Variants in PLCXD2 observed in about 807,000 individuals in gnomAD.
PLCXD2 encodes PI-PLC X domain-containing protein 2.
PLCXD2 carries 21 observed loss-of-function variants against 28.6 expected under a neutral mutation model. The observed-to-expected ratio is 0.73, with a 90% confidence interval of 0.52 to 1.06. PLCXD2 has a LOEUF of 1.06. Among genes scored for constraint, PLCXD2 ranks in the 50% least tolerant of loss-of-function variants. The pLI, the probability that PLCXD2 is intolerant of heterozygous loss-of-function variation, is 0.00. For synonymous variants in PLCXD2, 140 were observed against 150.1 expected (o/e 0.93, Z 0.49); for missense variants, 369 against 376.7 (o/e 0.98, Z 0.17).
At chr3:111,680,150 C>T (rs1940690454) in intron 1 of PLCXD2, among the ~76,000 whole-genome samples, 1 of 152,130 alleles carries the variant, frequency 6.6e-6, no homozygotes, top group African/African-American at 2.4e-5. Flanking sequence ...TATAGGTCTT[C>T]CTCCTGTGGC....
intron 1 of PLCXD2, 56 bp from the exon 2 acceptor site, chr3:111,707,870 T>C: frequency 6.8e-7 from 1 of 1,475,128 alleles, no homozygotes; most frequent in Non-Finnish European, 9.1e-7. Context: ...ATCAATTGGC[T>C]TATTTTTCCC....
intron 1 of PLCXD2, among the ~76,000 whole-genome samples, chr3:111,679,539 GTA>G (rs1270067378): frequency 6.6e-6 from 1 of 152,180 alleles, no homozygotes; most frequent in Non-Finnish European, 1.5e-5. Context: ...ATAATTGAAA[GTA>G]TGGAAAGTAT....
At chr3:111,721,185 C>T (rs2107876092) in intron 3 of PLCXD2, 1 of 184,850 alleles carries the variant, frequency 5.4e-6, no homozygotes, top group East Asian at 1.3e-4. Flanking sequence ...TCTCTAGGAC[C>T]CATTGGGGTA....
Position 111,708,120 on chromosome 3 carries a change from A to G in PLCXD2, c.358A>G (p.Lys120Glu). 6.2e-7 allele frequency: 1 copy of G among 1,614,206 alleles called. No individual in the cohort carries two copies. Among genetic ancestry groups the G allele is most frequent in the Non-Finnish European group, 8.5e-7 (1 of 1,180,012 alleles). ...CTACTTTGACCTGCGTGTGTCTTCC[A>G]AACCAGGGGATGCCGACCAGGAGAT... The change falls in exon 2 of 5, where the codon AAA becomes GAA. Residue 120 changes from lysine (K) to glutamate (E), a missense_variant. Lys to Glu is a moderately conservative substitution (Grantham distance 56). Transcript: ENST00000477665.
chr3:111,695,160 T>TAAA lies in PLCXD2; in HGVS notation c.164-12747_164-12745dup, dbSNP rs10662190. On this transcript the variant is annotated intron_variant, in intron 1 of 4. Transcript: ENST00000477665. ...AAATCTCATTTTTTTACCCATTTTC[T>TAAA]AAAAAAAAAAAAAAAAAAAAATCTT... Among the ~76,000 whole-genome samples, 26 of 132,304 alleles carry TAAA rather than the reference T, an allele frequency of 2.0e-4. 1 individual carries two copies. In the East Asian group the frequency reaches 2.4e-3, roughly 12 times the overall value. The allele number at this position is 132,304 out of a possible 152,430, so 86.8% of individuals were successfully genotyped here. A position where few individuals can be genotyped will look rare whatever the true frequency, so the allele number is the denominator to read the frequency against.
chr3:111,676,517 G>T (rs887174215), intron 1 of PLCXD2, among the ~76,000 whole-genome samples: 2 of 152,118 alleles, frequency 1.3e-5, no homozygotes, highest in Admixed American at 1.3e-4. Flanking sequence ...CTCCTCTTTT[G>T]GGTGTCTTCC....
In PLCXD2 at chr3:111,675,304, A is replaced by G. The variant is rs766035779; in HGVS notation, c.59A>G (p.Asn20Ser). 2.0e-5 allele frequency: 33 copies of G among 1,613,854 alleles called. No individual in the cohort carries two copies. The highest frequency in any genetic ancestry group is 3.3e-5 in the Admixed American group (2 of 59,978). The change falls in exon 1 of 5, where the codon AAC (asparagine) becomes AGC (serine). Residue 20 changes from asparagine (N) to serine (S), a missense_variant. Physicochemically the swap from Asn to Ser is conservative, Grantham distance 46. Transcript: ENST00000477665. ...AGGATGGGGACCATCTGCTCCCCCA[A>G]CCCCAGCGGGACAAAGACATCATCG...
At chr3:111,678,928 A>G (rs1940668940) in intron 1 of PLCXD2, among the ~76,000 whole-genome samples, 1 of 152,210 alleles carries the variant, frequency 6.6e-6, no homozygotes, top group African/African-American at 2.4e-5. Context: ...AGAATGAAGC[A>G]GGGTCTATTC....
chr3:111,675,389 T>C lies in PLCXD2; in HGVS notation c.144T>C (p.Leu48=). ...CCCCTCACCTCCACAACCTCCCCCT[T>C]TCCAATCTGGCAATCCCAGGTATTC... is the stretch of plus-strand genomic sequence containing the variant. The change falls in exon 1 of 5, where the codon CTT becomes CTC. Residue 48 remains leucine, a synonymous_variant. Coordinates refer to ENST00000477665, the MANE Select transcript of PLCXD2 (RefSeq NM_001185106.1). The C allele has an allele frequency of 6.2e-7, 1 of 1,614,144 alleles. No individual in the cohort carries two copies. Among genetic ancestry groups the C allele is most frequent in the Non-Finnish European group, 8.5e-7 (1 of 1,180,006 alleles).
chr3:111,679,395 C>G (rs552060648), intron 1 of PLCXD2, among the ~76,000 whole-genome samples: 3 of 152,262 alleles, frequency 2.0e-5, no homozygotes, highest in Admixed American at 2.0e-4. Context: ...CATAGTACTT[C>G]TCAACACATT....
chr3:111,713,766 C>A, intron 2 of PLCXD2, 121 bp from the exon 3 acceptor site: 2 of 1,130,596 alleles, frequency 1.8e-6, no homozygotes, highest in Non-Finnish European at 2.5e-6. Flanking sequence ...ATAAACAGTT[C>A]TTGACTTTCC....
At chr3:111,686,830 G>A (rs1443666189) in intron 1 of PLCXD2, among the ~76,000 whole-genome samples, 1 of 152,124 alleles carries the variant, frequency 6.6e-6, no homozygotes, top group African/African-American at 2.4e-5. Context: ...TATTATAGTT[G>A]TTCCTTTAGT....
intron 1 of PLCXD2, among the ~76,000 whole-genome samples, chr3:111,694,186 C>A (rs2107849415): frequency 6.6e-6 from 1 of 152,290 alleles, no homozygotes; most frequent in East Asian, 1.9e-4. Context: ...AGCCTTCACT[C>A]CCAGCTTCTC....
Position 111,675,242 on chromosome 3 carries a change from A to T in PLCXD2, c.-4A>T. 6.2e-7 allele frequency: 1 copy of T among 1,613,312 alleles called. No individual in the cohort carries two copies. Among genetic ancestry groups the T allele is most frequent in the Non-Finnish European group, 8.5e-7 (1 of 1,179,466 alleles). The stretch of plus-strand genomic sequence containing the variant: ...TGAGACTGGCCAGTTTGTTAACAAC[A>T]GGGATGCTAGCAGTTAGGAAGGCCA... On this transcript the variant is annotated 5_prime_UTR_variant, in exon 1 of 5. Transcript: ENST00000477665.
chr3:111,681,920 C>T (rs1356848446), intron 1 of PLCXD2, among the ~76,000 whole-genome samples: 10 of 152,208 alleles, frequency 6.6e-5, no homozygotes. Flanking sequence ...GCTTTAGCGT[C>T]CTGCAACTTT....
At chr3:111,699,351 A>G (rs2107854291) in intron 1 of PLCXD2, among the ~76,000 whole-genome samples, 1 of 152,298 alleles carries the variant, frequency 6.6e-6, no homozygotes, top group South Asian at 2.1e-4. Flanking sequence ...CCAGGTTCCC[A>G]AGAAGCCTGC....
rs779779157 is a variant in PLCXD2 at position 111,683,219 on chromosome 3, G to T, written c.163+7811G>T. 2.0e-5 allele frequency among the ~76,000 whole-genome samples: 3 copies of T among 152,174 alleles called. No individual in the cohort carries two copies. The South Asian group carries it at 6.2e-4, about 32-fold the overall frequency. On this transcript the variant is annotated intron_variant, in intron 1 of 4. Coordinates refer to ENST00000477665, the MANE Select transcript of PLCXD2 (RefSeq NM_001185106.1). ...ACCCTTGGGTTGAAATATAAATAGCGAGGAGTAGAAAGCCAGGTGTCCCAG... is the reference window on the plus strand; with the variant it reads ...ACCCTTGGGTTGAAATATAAATAGCTAGGAGTAGAAAGCCAGGTGTCCCAG...
chr3:111,702,626 A>G (rs756768995), intron 1 of PLCXD2, among the ~76,000 whole-genome samples: 2 of 152,220 alleles, frequency 1.3e-5, no homozygotes, highest in Non-Finnish European at 2.9e-5. Flanking sequence ...TTACAGTGGG[A>G]TGAGGTCCTA....
At chr3:111,697,720 C>T (rs1940982767) in intron 1 of PLCXD2, among the ~76,000 whole-genome samples, 1 of 152,060 alleles carries the variant, frequency 6.6e-6, no homozygotes, top group Admixed American at 6.5e-5. Context: ...TTTTTGGCAA[C>T]AGGTTGGATT....
Sources: gnomAD v4.1 joint callset for allele counts (sites outside exome capture counted in the v4.1 genomes callset) on GRCh38, gnomAD v4.1.1 for gene constraint, MANE v1.5 for transcripts, NCBI Gene and HGNC (gene_info 2026-07-23, HGNC 2026-07-21) for gene names.